DAB1: variants seen among roughly 807,000 people sequenced by gnomAD.
The protein encoded by DAB1 is DAB adaptor protein 1.
DAB1 carries 15 observed loss-of-function variants against 64.6 expected under a neutral mutation model. The ratio of observed to expected loss-of-function variants is 0.23; its 90% CI spans 0.16 to 0.36. DAB1 has a LOEUF of 0.36. DAB1 is among the 10% of genes least tolerant of loss of function. The pLI is 1.00. For synonymous variants in DAB1, 235 were observed against 251.9 expected (o/e 0.93, Z 0.64); for missense variants, 596 against 706.7 (o/e 0.84, Z 1.78).
intron 4 of DAB1, among the ~76,000 whole-genome samples, chr1:58,187,498 A>G (rs1347713151): frequency 2.0e-5 from 3 of 151,028 alleles, no homozygotes; most frequent in Non-Finnish European, 4.4e-5. Flanking sequence ...GCCTGACTAC[A>G]AAGCACCCAG....
intron 4 of DAB1, among the ~76,000 whole-genome samples, chr1:57,091,551 C>A (rs1158797794): frequency 6.6e-6 from 1 of 152,108 alleles, no homozygotes; most frequent in Non-Finnish European, 1.5e-5. Flanking sequence ...GATATCAGCA[C>A]CCTTGAATGC....
intron 5 of DAB1, among the ~76,000 whole-genome samples, chr1:57,944,297 CCTTT>C (rs1645151490): frequency 6.6e-6 from 1 of 152,120 alleles, no homozygotes; most frequent in Non-Finnish European, 1.5e-5. Flanking sequence ...CATTCCCCAT[CCTTT>C]CTGTTTTCTA....
intron 4 of DAB1, among the ~76,000 whole-genome samples, chr1:58,228,299 A>G (rs567625617): frequency 2.0e-4 from 30 of 152,354 alleles, no homozygotes; most frequent in Non-Finnish European, 3.7e-4. Context: ...ATGTTAGGTA[A>G]TAAATGTGGA....
intron 5 of DAB1, among the ~76,000 whole-genome samples, chr1:58,042,748 A>T (rs1234707783): frequency 6.6e-6 from 1 of 152,242 alleles, no homozygotes; most frequent in Non-Finnish European, 1.5e-5. Context: ...TCAGAGTTCA[A>T]GGCAGGGAGT....
chr1:57,492,755 G>A (rs1397633848), intron 7 of DAB1, among the ~76,000 whole-genome samples: 1 of 152,124 alleles, frequency 6.6e-6, no homozygotes, highest in Non-Finnish European at 1.5e-5. Flanking sequence ...GTAGCCAGAT[G>A]GTCTTGAGCT....
chr1:57,828,076 C>G (rs917502474), intron 1 of DAB1, among the ~76,000 whole-genome samples: 3 of 151,910 alleles, frequency 2.0e-5, no homozygotes, highest in African/African-American at 4.8e-5. Context: ...CTCCCGAGTA[C>G]CTGGGACTAC....
At chr1:57,739,172 T>C (rs1385073634) in intron 6 of DAB1, among the ~76,000 whole-genome samples, 1 of 152,166 alleles carries the variant, frequency 6.6e-6, no homozygotes, top group Non-Finnish European at 1.5e-5. Flanking sequence ...TAAATATTAA[T>C]AGATAGTCAT....
At chr1:57,406,792 T>C (rs1347024175) in intron 1 of DAB1, among the ~76,000 whole-genome samples, 4 of 152,216 alleles carry the variant, frequency 2.6e-5, no homozygotes, top group Admixed American at 6.5e-5. Context: ...GCTGTGATTT[T>C]TCTGTATTTC....
chr1:57,523,776 T>A (rs1242064343), intron 7 of DAB1, among the ~76,000 whole-genome samples: 1 of 151,728 alleles, frequency 6.6e-6, no homozygotes, highest in African/African-American at 2.4e-5. Context: ...ACAAAAAAAA[T>A]TAGCCGGGTG....
intron 7 of DAB1, among the ~76,000 whole-genome samples, chr1:57,532,064 A>T (rs1369799077): frequency 6.6e-6 from 1 of 152,208 alleles, no homozygotes; most frequent in Non-Finnish European, 1.5e-5. Flanking sequence ...ATGGCTATTC[A>T]ATAGGCTTCT....
chr1:58,048,082 CACT>C (rs1479839871), intron 5 of DAB1: 1 of 744,536 alleles, frequency 1.3e-6, no homozygotes, highest in African/African-American at 1.7e-5. Context: ...GCCCTGCCAC[CACT>C]GTGTTTGGCT....
intron 1 of DAB1, among the ~76,000 whole-genome samples, chr1:58,538,327 C>G (rs1399260475): frequency 6.6e-6 from 1 of 152,190 alleles, no homozygotes; most frequent in Non-Finnish European, 1.5e-5. Context: ...TAAGAGTTAA[C>G]TAGGAGTGAG....
intron 2 of DAB1, among the ~76,000 whole-genome samples, chr1:57,148,834 A>G (rs969806801): frequency 2.0e-5 from 3 of 152,232 alleles, no homozygotes; most frequent in African/African-American, 7.2e-5. Context: ...ATGTTTAAAT[A>G]ACAGCTATAT....
chr1:58,400,786 A>G (rs938511748), intron 3 of DAB1, among the ~76,000 whole-genome samples: 1 of 152,124 alleles, frequency 6.6e-6, no homozygotes, highest in Non-Finnish European at 1.5e-5. Flanking sequence ...TATGAAATAT[A>G]TAAGTATAAT....
intron 3 of DAB1, among the ~76,000 whole-genome samples, chr1:58,418,424 G>C (rs1377382629): frequency 1.3e-5 from 2 of 152,066 alleles, no homozygotes; most frequent in Non-Finnish European, 2.9e-5. Flanking sequence ...TCAGTACACA[G>C]ACCAGTGGCA....
chr1:57,555,023 C>CTTT (rs1644970202), intron 7 of DAB1, among the ~76,000 whole-genome samples: 1 of 112,284 alleles, frequency 8.9e-6, no homozygotes, highest in African/African-American at 3.3e-5. Context: ...TTCGGTATCT[C>CTTT]TATTTTTTTT....
chr1:58,504,890 A>C (rs1417239469), intron 3 of DAB1, among the ~76,000 whole-genome samples: 1 of 152,036 alleles, frequency 6.6e-6, no homozygotes, highest in Admixed American at 6.6e-5. Flanking sequence ...CACATCTAGC[A>C]TCATTTCTTT....
intron 14 of DAB1, among the ~76,000 whole-genome samples, chr1:57,009,718 C>T (rs3768209): frequency 0.13 from 20,329 of 152,160 alleles, 1,826 homozygotes; most frequent in East Asian, 0.33. Context: ...AAATTGAACA[C>T]GTTTGTCAAG....
chr1:57,418,831 A>G (rs1187281870), intron 1 of DAB1, among the ~76,000 whole-genome samples: 1 of 152,250 alleles, frequency 6.6e-6, no homozygotes, highest in Non-Finnish European at 1.5e-5. Context: ...TAGATGCCAG[A>G]GGAGTTTTAT....
Sources: allele counts gnomAD v4.1 joint callset (sites outside exome capture counted in the v4.1 genomes callset), GRCh38; gene constraint gnomAD v4.1.1; transcripts MANE v1.5; gene names NCBI Gene and HGNC (gene_info 2026-07-23, HGNC 2026-07-21).